PPP2R3A: variants seen among roughly 807,000 people sequenced by gnomAD.
PPP2R3A encodes serine/threonine-protein phosphatase 2A regulatory subunit B'' subunit alpha.
In PPP2R3A, 80 loss-of-function variants were observed where a neutral mutation model predicts 106.9. The observed-to-expected ratio is 0.75, with a 90% CI of 0.62 to 0.90. PPP2R3A has a LOEUF of 0.90. Among genes scored for constraint, PPP2R3A ranks in the 40% least tolerant of loss-of-function variants. The pLI is 0.00. For missense variants in PPP2R3A, 1,386 were observed against 1,350.4 expected, an observed-to-expected ratio of 1.03 and a Z score of -0.41; for synonymous variants, 483 against 468.3, an observed-to-expected ratio of 1.03 and a Z score of -0.41.
chr3:136,120,111 C>A (rs1014611922), intron 13 of PPP2R3A, among the ~76,000 whole-genome samples: 5 of 149,822 alleles, frequency 3.3e-5, no homozygotes, highest in African/African-American at 9.8e-5. Flanking sequence ...GGGAGAGGGA[C>A]CTTAACATAT....
intron 2 of PPP2R3A, among the ~76,000 whole-genome samples, chr3:136,017,437 T>G (rs1934316540): frequency 6.6e-6 from 1 of 152,236 alleles, no homozygotes; most frequent in Non-Finnish European, 1.5e-5. Context: ...ATGAGAAGGC[T>G]TTTTAAAAAT....
intron 3 of PPP2R3A, among the ~76,000 whole-genome samples, chr3:136,038,502 C>T (rs1935157770): frequency 6.6e-6 from 1 of 152,132 alleles, no homozygotes; most frequent in Non-Finnish European, 1.5e-5. Flanking sequence ...AGCACACAGC[C>T]CCTGGAAGTG....
In PPP2R3A at chr3:136,144,982, T is replaced by C. The variant is rs1301218475; in HGVS notation, c.3330-61T>C. On this transcript the variant is annotated intron_variant, in intron 13 of 13. Transcript: ENST00000264977. ...GTCTTGAGGCTCGGATTTGCCATAT[T>C]GATTTCTACCCAAACTTTAATCAAT... The C allele has an allele frequency of 7.0e-6, 11 of 1,563,892 alleles. No individual in the cohort carries two copies. In the Admixed American group the frequency reaches 9.0e-5, roughly 13 times the overall value.
intron 13 of PPP2R3A, among the ~76,000 whole-genome samples, chr3:136,121,213 A>G (rs1937983483): frequency 6.6e-6 from 1 of 152,192 alleles, no homozygotes; most frequent in African/African-American, 2.4e-5. Context: ...TAAAGAAAAC[A>G]TGGTACCTAT....
At chr3:136,034,373 T>A (rs1935012693) in intron 3 of PPP2R3A, among the ~76,000 whole-genome samples, 1 of 152,234 alleles carries the variant, frequency 6.6e-6, no homozygotes, top group Non-Finnish European at 1.5e-5. Context: ...TATGAACTTT[T>A]CTCTTAGCAT....
At chr3:136,019,992 A>T (rs577795429) in intron 2 of PPP2R3A, among the ~76,000 whole-genome samples, 1 of 152,274 alleles carries the variant, frequency 6.6e-6, no homozygotes, top group Non-Finnish European at 1.5e-5. Flanking sequence ...CCAAACCAAC[A>T]TTGTGCTAGA....
chr3:136,114,721 G>C (rs1937674014), intron 13 of PPP2R3A, among the ~76,000 whole-genome samples: 1 of 152,180 alleles, frequency 6.6e-6, no homozygotes, highest in Non-Finnish European at 1.5e-5. Flanking sequence ...TGGCCAGACT[G>C]CCTCTCTAGA....
intron 3 of PPP2R3A, among the ~76,000 whole-genome samples, chr3:136,030,825 T>TACACACACACAC (rs375422855): frequency 7.0e-6 from 1 of 142,364 alleles, no homozygotes; most frequent in African/African-American, 2.8e-5. Context: ...TATGTATGTA[T>TACACACACACAC]ACACACACAC....
At chr3:135,980,547 A>G (rs1937528364) in intron 1 of PPP2R3A, among the ~76,000 whole-genome samples, 1 of 151,834 alleles carries the variant, frequency 6.6e-6, no homozygotes, top group Non-Finnish European at 1.5e-5. Context: ...GCCCCAATAA[A>G]ATTTATAGAT....
intron 1 of PPP2R3A, among the ~76,000 whole-genome samples, chr3:135,991,828 C>T (rs1479473828): frequency 2.0e-5 from 3 of 152,144 alleles, no homozygotes; most frequent in Non-Finnish European, 4.4e-5. Flanking sequence ...CCTGTTTCTC[C>T]ACTGCGGTAA....
chr3:136,022,479 T>TA (rs1405603206), intron 2 of PPP2R3A, among the ~76,000 whole-genome samples: 1 of 152,054 alleles, frequency 6.6e-6, no homozygotes, highest in South Asian at 2.1e-4. Context: ...TCCCTTCAAA[T>TA]AAAAAATAAA....
chr3:135,975,504 T>G (rs1319257125), intron 1 of PPP2R3A, among the ~76,000 whole-genome samples: 2 of 152,210 alleles, frequency 1.3e-5, no homozygotes, highest in Non-Finnish European at 2.9e-5. Flanking sequence ...ATAAATACAG[T>G]CTCTTTGCTT....
rs529221572 is a variant in PPP2R3A, at chr3:136,101,685, C to G, written c.2928-322C>G. On this transcript the variant is annotated intron_variant, in intron 10 of 13. Coordinates refer to ENST00000264977, the MANE Select transcript of PPP2R3A (RefSeq NM_002718.5). ...AAGTGATCTGCCCACCTCAGTCTCC[C>G]AAAGTGCTGGGATTACAGGCATGAG... Among the ~76,000 whole-genome samples the G allele has an allele frequency of 8.6e-4, 131 of 152,298 alleles. 1 individual carries two copies. Among genetic ancestry groups the G allele is most frequent in the African/African-American group, 3.0e-3 (123 of 41,560 alleles).
At chr3:136,049,152 G>A (rs1935583708) in intron 4 of PPP2R3A, 107 bp from the exon 5 acceptor site, 1 of 758,042 alleles carries the variant, frequency 1.3e-6, no homozygotes. Context: ...TTACTTGATT[G>A]TTGATCTGAG....
At chr3:135,981,999 C>T (rs939638908) in intron 1 of PPP2R3A, among the ~76,000 whole-genome samples, 2 of 151,608 alleles carry the variant, frequency 1.3e-5, no homozygotes, top group Non-Finnish European at 2.9e-5. Flanking sequence ...TTTGGAGAGG[C>T]AAGAGTGGAA....
chr3:135,993,550 G>T (rs1352644461), intron 1 of PPP2R3A, among the ~76,000 whole-genome samples: 1 of 152,162 alleles, frequency 6.6e-6, no homozygotes, highest in East Asian at 1.9e-4. Context: ...TTACCCAAAA[G>T]AAATGAACAC....
chr3:135,976,983 C>T (rs1175801914), intron 1 of PPP2R3A, among the ~76,000 whole-genome samples: 4 of 151,954 alleles, frequency 2.6e-5, no homozygotes, highest in Non-Finnish European at 4.4e-5. Context: ...TGTGTTTGGT[C>T]CCATTGATCT....
chr3:136,090,086 T>G (rs954328714), intron 9 of PPP2R3A, among the ~76,000 whole-genome samples: 1 of 152,156 alleles, frequency 6.6e-6, no homozygotes, highest in African/African-American at 2.4e-5. Context: ...TTTGGATGTG[T>G]TTTATTTCTT....
At chr3:136,007,563 A>C (rs190863708) in intron 2 of PPP2R3A, among the ~76,000 whole-genome samples, 1 of 152,202 alleles carries the variant, frequency 6.6e-6, no homozygotes, top group African/African-American at 2.4e-5. Context: ...CAAGAGGGAA[A>C]GACATCATGT....
Sources: allele counts gnomAD v4.1 joint callset (sites outside exome capture counted in the v4.1 genomes callset), GRCh38; gene constraint gnomAD v4.1.1; transcripts MANE v1.5; gene names NCBI Gene and HGNC (gene_info 2026-07-23, HGNC 2026-07-21).